Variants in LINGO2 observed in about 807,000 individuals in gnomAD.
The protein encoded by LINGO2 is leucine rich repeat and Ig domain containing 2, also known as leucine-rich repeat and immunoglobulin-like domain-containing nogo receptor-interacting protein 2.
A neutral mutation model predicts 30.6 loss-of-function variants in LINGO2; 14 were observed. The ratio of observed to expected loss-of-function variants is 0.46; its 90% CI spans 0.30 to 0.72. The LOEUF is 0.72. Ranked by LOEUF, LINGO2 falls within the 30% of genes least tolerant of loss-of-function variation. The pLI is 0.07. For synonymous variants in LINGO2, 317 were observed against 288.5 expected (o/e 1.10, Z -1.00); for missense variants, 729 against 751.7 (o/e 0.97, Z 0.35).
the LINGO2 span, among the ~76,000 whole-genome samples, chr9:28,880,616 G>A: frequency 6.6e-6 from 1 of 152,114 alleles, no homozygotes; most frequent in Non-Finnish European, 1.5e-5. Flanking sequence ...AGAAAGACCT[G>A]ACCGTCACCC....
At chr9:28,699,551 A>G in the LINGO2 span, among the ~76,000 whole-genome samples, 4 of 152,044 alleles carry the variant, frequency 2.6e-5, no homozygotes, top group Non-Finnish European at 5.9e-5. Context: ...ACCTTGAAAA[A>G]GAACGGAATA....
the LINGO2 span, among the ~76,000 whole-genome samples, chr9:28,808,540 A>T: frequency 6.6e-6 from 1 of 152,314 alleles, no homozygotes; most frequent in South Asian, 2.1e-4. Flanking sequence ...CACAGTCCTT[A>T]TATTGTTTCT....
chr9:28,268,390 T>C (rs1822828030), intron 4 of LINGO2, among the ~76,000 whole-genome samples: 1 of 152,066 alleles, frequency 6.6e-6, no homozygotes, highest in Non-Finnish European at 1.5e-5. Context: ...CAGAAGAACC[T>C]GGTGAACCTA....
chr9:28,928,242 T>C, the LINGO2 span, among the ~76,000 whole-genome samples: 4 of 152,334 alleles, frequency 2.6e-5, no homozygotes, highest in African/African-American at 4.8e-5. Flanking sequence ...CTAATTATTA[T>C]GTTTCCAAGT....
At chr9:28,359,654 A>C (rs989868240) in intron 3 of LINGO2, among the ~76,000 whole-genome samples, 1 of 152,208 alleles carries the variant, frequency 6.6e-6, no homozygotes, top group African/African-American at 2.4e-5. Flanking sequence ...ACAAATAAGC[A>C]GCTGTTTTTT....
chr9:28,485,870 C>A (rs569391940), intron 1 of LINGO2, among the ~76,000 whole-genome samples: 130 of 152,146 alleles, frequency 8.5e-4, no homozygotes, highest in African/African-American at 3.0e-3. Context: ...CTAAAATATA[C>A]TCAGAAGATA....
At chr9:27,970,752 C>T (rs1820315093) in intron 5 of LINGO2, among the ~76,000 whole-genome samples, 1 of 151,962 alleles carries the variant, frequency 6.6e-6, no homozygotes, top group South Asian at 2.1e-4. Context: ...TAATTGGCAG[C>T]TGACTTCATG....
At chr9:29,099,142 C>A in the LINGO2 span, among the ~76,000 whole-genome samples, 4 of 152,164 alleles carry the variant, frequency 2.6e-5, no homozygotes, top group African/African-American at 9.7e-5. Flanking sequence ...AAGACAGTTT[C>A]TTCAATCGAT....
the LINGO2 span, among the ~76,000 whole-genome samples, chr9:29,011,855 A>T: frequency 2.0e-5 from 3 of 152,240 alleles, no homozygotes; most frequent in Admixed American, 2.0e-4. Flanking sequence ...TCTATTTATT[A>T]GCTAAGAAAC....
the LINGO2 span, among the ~76,000 whole-genome samples, chr9:29,138,248 C>G: frequency 1.3e-5 from 2 of 152,048 alleles, no homozygotes; most frequent in Middle Eastern, 3.2e-3. Flanking sequence ...TATGATAAAT[C>G]TGCCTAAATT....
chr9:29,209,570 T>C, the LINGO2 span, among the ~76,000 whole-genome samples: 4 of 152,118 alleles, frequency 2.6e-5, no homozygotes, highest in Non-Finnish European at 4.4e-5. Flanking sequence ...CACAGAAGTA[T>C]ATGCCATTAG....
At chr9:28,849,360 T>C in the LINGO2 span, among the ~76,000 whole-genome samples, 7 of 151,992 alleles carry the variant, frequency 4.6e-5, no homozygotes, top group Non-Finnish European at 8.8e-5. Flanking sequence ...GTATGTGCAA[T>C]ACACAGACCC....
At chr9:28,096,354 T>C (rs539748688) in intron 4 of LINGO2, among the ~76,000 whole-genome samples, 2 of 152,196 alleles carry the variant, frequency 1.3e-5, no homozygotes, top group African/African-American at 2.4e-5. Context: ...TTTATTTTCA[T>C]CTCTTACTCC....
intron 5 of LINGO2, among the ~76,000 whole-genome samples, chr9:27,971,079 C>T (rs1226242622): frequency 2.0e-5 from 3 of 151,850 alleles, no homozygotes; most frequent in Non-Finnish European, 4.4e-5. Flanking sequence ...TGGTTCTCCT[C>T]TTTTTATTTT....
the LINGO2 span, among the ~76,000 whole-genome samples, chr9:28,785,926 A>G: frequency 1.3e-5 from 2 of 152,192 alleles, no homozygotes; most frequent in East Asian, 1.9e-4. Flanking sequence ...ATATAATTCA[A>G]TGGGTGTCTA....
At chr9:28,748,525 G>A in the LINGO2 span, among the ~76,000 whole-genome samples, 2 of 151,974 alleles carry the variant, frequency 1.3e-5, no homozygotes, top group Non-Finnish European at 2.9e-5. Context: ...GTTATTGAGA[G>A]TGGAAGTACA....
the LINGO2 span, among the ~76,000 whole-genome samples, chr9:28,909,257 T>C: frequency 6.6e-6 from 1 of 152,026 alleles, no homozygotes; most frequent in East Asian, 1.9e-4. Flanking sequence ...GCATGTATCA[T>C]TTATATAACA....
the LINGO2 span, among the ~76,000 whole-genome samples, chr9:29,154,438 C>A: frequency 3.1e-5 from 4 of 127,838 alleles, no homozygotes; most frequent in South Asian, 2.6e-4. Flanking sequence ...CGACAGAGTG[C>A]GACTCCGTCT....
At chr9:28,223,583 C>A (rs1821042584) in intron 4 of LINGO2, among the ~76,000 whole-genome samples, 1 of 152,060 alleles carries the variant, frequency 6.6e-6, no homozygotes, top group Admixed American at 6.6e-5. Context: ...GCTTATCAGG[C>A]TGATTGGGAT....
Sources: gnomAD v4.1 joint callset for allele counts (sites outside exome capture counted in the v4.1 genomes callset) on GRCh38, gnomAD v4.1.1 for gene constraint, MANE v1.5 for transcripts, NCBI Gene and HGNC (gene_info 2026-07-23, HGNC 2026-07-21) for gene names.